MARCHF6: variants seen among roughly 807,000 people sequenced by gnomAD.
The protein encoded by MARCHF6 is E3 ubiquitin-protein ligase MARCHF6.
Under a neutral mutation model 133.7 loss-of-function variants are expected in MARCHF6, and 31 were observed. That is an observed-to-expected ratio of 0.23 (90% CI 0.17 to 0.31). The LOEUF is 0.31. Ranked by LOEUF, MARCHF6 falls within the 10% of genes least tolerant of loss-of-function variation. MARCHF6 has a pLI of 1.00. For missense variants in MARCHF6, 723 were observed against 1,121.6 expected (o/e 0.64, Z 5.08); for synonymous variants, 395 against 402.5 (o/e 0.98, Z 0.22).
At chr5:10,416,580 A>G (rs1739525840) in intron 21 of MARCHF6, among the ~76,000 whole-genome samples, 1 of 152,210 alleles carries the variant, frequency 6.6e-6, no homozygotes, top group Non-Finnish European at 1.5e-5. Context: ...TCTTCCATAC[A>G]CATCATATTT....
chr5:10,414,484 A>G lies in MARCHF6; in HGVS notation c.1948A>G (p.Ile650Val). 1 of 1,613,214 alleles carries G rather than the reference A, an allele frequency of 6.2e-7. No homozygotes were observed. Among genetic ancestry groups the G allele is most frequent in the South Asian group, 1.1e-5 (1 of 91,040 alleles). The change falls in exon 20 of 26, where the codon ATC becomes GTC. Residue 650 changes from isoleucine to valine, a missense_variant. By Grantham distance (29) the Ile-to-Val change is conservative. Transcript: ENST00000274140. ...TATAACATTACTGATTGCCAGCCTC[A>G]TCTGCCTTACTTTACCAGGTATGAG... Reference protein sequence around the residue: ...MCITLLIASLICLTLPVFAGR... With the variant: ...MCITLLIASLVCLTLPVFAGR...
chr5:10,358,203 A>G (rs1354406568), intron 1 of MARCHF6, among the ~76,000 whole-genome samples: 1 of 152,194 alleles, frequency 6.6e-6, no homozygotes, highest in Non-Finnish European at 1.5e-5. Context: ...TAGAGTGTTC[A>G]ATAAATCACC....
At chr5:10,402,489 C>T in intron 13 of MARCHF6, 37 bp downstream of exon 13, 1 of 1,612,114 alleles carries the variant, frequency 6.2e-7, no homozygotes, top group Non-Finnish European at 8.5e-7. Context: ...GAAATGATTT[C>T]TCCTACATTT....
chr5:10,405,759 C>G lies in MARCHF6; in HGVS notation c.1452+82C>G, dbSNP rs1022554614. ...TTTGTTTAGGTTTTTTTTTCCAGTT[C>G]TCAAGCAGGCTGATAGAGTATATTG... is the stretch of plus-strand genomic sequence containing the variant. On this transcript the variant is annotated intron_variant, in intron 16 of 25. Coordinates refer to ENST00000274140, the MANE Select transcript of MARCHF6 (RefSeq NM_005885.4). The G allele has an allele frequency of 1.2e-5, 15 of 1,261,956 alleles. No individual in the cohort carries two copies. In the African/African-American group the frequency reaches 2.4e-4, roughly 20 times the overall value. The allele number at this position is 1,261,956 out of a possible 1,614,324, so 78.2% of individuals were successfully genotyped here. A position where few individuals can be genotyped will look rare whatever the true frequency, so the allele number is the denominator to read the frequency against.
chr5:10,403,206 T>C (rs973846571), intron 14 of MARCHF6, among the ~76,000 whole-genome samples: 4 of 152,204 alleles, frequency 2.6e-5, no homozygotes, highest in African/African-American at 9.7e-5. Context: ...TTTTACTAAT[T>C]GGTTTATCAT....
At chr5:10,421,428 G>A (rs981189687) in intron 22 of MARCHF6, among the ~76,000 whole-genome samples, 11 of 152,202 alleles carry the variant, frequency 7.2e-5, no homozygotes, top group African/African-American at 1.4e-4. Context: ...AATGTGCAGC[G>A]TGCTATCCTT....
chr5:10,414,359 T>G, intron 19 of MARCHF6, 74 bp from the exon 20 acceptor site: 2 of 811,642 alleles, frequency 2.5e-6, no homozygotes, highest in Non-Finnish European at 4.1e-6. Context: ...AATGGGAAGA[T>G]TGTGTTGATT....
chr5:10,396,019 C>T (rs1738169927), intron 9 of MARCHF6, among the ~76,000 whole-genome samples: 1 of 152,110 alleles, frequency 6.6e-6, no homozygotes. Context: ...GGACAGAAGT[C>T]GTTGAGGTAG....
chr5:10,382,604 C>T (rs1041733976), intron 4 of MARCHF6, among the ~76,000 whole-genome samples: 2 of 152,048 alleles, frequency 1.3e-5, no homozygotes, highest in Admixed American at 6.5e-5. Context: ...GAGGTGGGAG[C>T]ATCACTTGAG....
rs1740698168 is a variant in MARCHF6, at chr5:10,437,475, A to T, written c.*3791A>T. 6.6e-6 allele frequency: 1 copy of T among 152,230 alleles called. No homozygotes were observed. Among genetic ancestry groups the T allele is most frequent in the South Asian group, 2.1e-4 (1 of 4,836 alleles). The allele number at this position is 152,230 out of a possible 1,614,324, so 9.4% of individuals were successfully genotyped here. A position where few individuals can be genotyped will look rare whatever the true frequency, so the allele number is the denominator to read the frequency against. ...CCTGTTACTGTCCTGTGCCATTTTTAAAAATAGCCATCATGAGTAAGGGCT... is the reference window on the plus strand; with the variant it reads ...CCTGTTACTGTCCTGTGCCATTTTTTAAAATAGCCATCATGAGTAAGGGCT... On this transcript the variant is annotated 3_prime_UTR_variant, in exon 26 of 26. Transcript: ENST00000274140.
At position 10,377,799 on chromosome 5, in the gene MARCHF6, C is replaced by G. The variant is rs1303087986; in HGVS notation, c.21C>G (p.Asp7Glu). MDTAEE[D>E]ICRVCRSEGT... ...TCAATTTTCCTTTTTCATTGGCAGACATATGTAGAGTGTGTCGGTCAGAAG... is the reference window on the plus strand; with the variant it reads ...TCAATTTTCCTTTTTCATTGGCAGAGATATGTAGAGTGTGTCGGTCAGAAG... Residue 7 changes from aspartate (D) to glutamate (E), a missense_variant and splice_region_variant, in exon 2 of 26, where the codon GAC becomes GAG. By Grantham distance (45) the Asp-to-Glu change is conservative. Transcript: ENST00000274140. 5.6e-6 allele frequency: 9 copies of G among 1,604,762 alleles called. No individual in the cohort carries two copies. The highest frequency in any genetic ancestry group is 2.2e-5 in the East Asian group (1 of 44,768).
intron 1 of MARCHF6, among the ~76,000 whole-genome samples, chr5:10,360,144 G>GGT (rs1211964761): frequency 6.7e-5 from 5 of 75,098 alleles, no homozygotes; most frequent in African/African-American, 2.7e-4. Flanking sequence ...ATGTGTGTGT[G>GGT]TTTTTTTTTT....
At chr5:10,405,417 A>G in intron 15 of MARCHF6, 141 bp from the exon 16 acceptor site, 2 of 609,486 alleles carry the variant, frequency 3.3e-6, no homozygotes, top group Middle Eastern at 4.7e-4. Context: ...TTACTTTCCT[A>G]AGAATACCAT....
In MARCHF6 at chr5:10,354,156, G is replaced by A. The variant is rs1395385285; in HGVS notation, c.19+239G>A. Among the ~76,000 whole-genome samples, 61 of 152,050 alleles carry A rather than the reference G, an allele frequency of 4.0e-4. 1 individual carries two copies. The highest frequency in any genetic ancestry group is 3.9e-3 in the Admixed American group (60 of 15,272). On this transcript the variant is annotated intron_variant, in intron 1 of 25. Transcript: ENST00000274140. ...ACCCTGCCGGGCAGGGGCCGGGGCC[G>A]GGGTCGGGGCCTCGGGGCTACTGCA...
Position 10,438,576 on chromosome 5 carries a change from C to A in MARCHF6, c.*4892C>A, listed in dbSNP as rs1013043578. The stretch of plus-strand genomic sequence containing the variant: ...AACATGTAGTGATAAGGAGAACTAA[C>A]GTATCAAGGGGCTGAGAGGGTAACG... On this transcript the variant is annotated 3_prime_UTR_variant, in exon 26 of 26. Coordinates refer to ENST00000274140, the MANE Select transcript of MARCHF6 (RefSeq NM_005885.4). The A allele has an allele frequency of 6.6e-6, 1 of 152,162 alleles. No individual in the cohort carries two copies. The highest frequency in any genetic ancestry group is 2.4e-5 in the African/African-American group (1 of 41,432). 9.4% of individuals were successfully genotyped at this position (152,162 alleles called of 1,614,324 possible). A position where few individuals can be genotyped will look rare whatever the true frequency, so the allele number is the denominator to read the frequency against.
At position 10,407,126 on chromosome 5, in the gene MARCHF6, C is replaced by T; in HGVS notation, c.1477C>T (p.Leu493=). The stretch of plus-strand genomic sequence containing the variant: ...GATTGTCTTTGGCTCCATTGTCCTC[C>T]TGATGCTTTGGCTTCCTATACGTAT... ...SVIVFGSIVL[L]MLWLPIRIIK... The change falls in exon 17 of 26, where the codon CTG becomes TTG. Residue 493 remains leucine (L), a synonymous_variant. Transcript: ENST00000274140. 6.2e-7 allele frequency: 1 copy of T among 1,612,762 alleles called. No homozygotes were observed. Among genetic ancestry groups the T allele is most frequent in the Non-Finnish European group, 8.5e-7 (1 of 1,179,022 alleles).
chr5:10,400,972 G>C (rs184596276), intron 11 of MARCHF6, 130 bp downstream of exon 11: 1 of 664,390 alleles, frequency 1.5e-6, no homozygotes, highest in Non-Finnish European at 2.5e-6. Flanking sequence ...AGGCAATACC[G>C]TCTCATTCTT....
intron 1 of MARCHF6, among the ~76,000 whole-genome samples, chr5:10,357,639 T>G (rs1390194747): frequency 6.6e-6 from 1 of 152,202 alleles, no homozygotes; most frequent in Non-Finnish European, 1.5e-5. Context: ...CCACACAGTC[T>G]TCTTTGTTTC....
chr5:10,360,144 GTTTTTTTTTTT>G (rs1164778520), intron 1 of MARCHF6, among the ~76,000 whole-genome samples: 1 of 75,096 alleles, frequency 1.3e-5, no homozygotes, highest in Non-Finnish European at 2.4e-5. Context: ...ATGTGTGTGT[GTTTTTTTTTTT>G]TTTTTTTTTT....
Sources: allele counts gnomAD v4.1 joint callset (sites outside exome capture counted in the v4.1 genomes callset), GRCh38; gene constraint gnomAD v4.1.1; transcripts MANE v1.5; gene names NCBI Gene and HGNC (gene_info 2026-07-23, HGNC 2026-07-21).